KDM6A: variants seen among roughly 807,000 people sequenced by gnomAD.
KDM6A encodes the protein lysine-specific demethylase 6A.
In KDM6A, 11 loss-of-function variants were observed where a neutral mutation model predicts 117.6. The ratio of observed to expected loss-of-function variants is 0.09; its 90% confidence interval spans 0.06 to 0.15. KDM6A has a LOEUF of 0.15. Ranked by LOEUF, KDM6A falls within the 10% of genes least tolerant of loss-of-function variation. The probability of loss-of-function intolerance (pLI) is 1.00; values close to 1 mark genes in which losing one functional copy is unlikely to be tolerated. For missense variants in KDM6A, 799 were observed against 1,077.3 expected, an observed-to-expected ratio of 0.74 and a Z score of 3.62; for synonymous variants, 384 against 396.1, an observed-to-expected ratio of 0.97 and a Z score of 0.36.
chrX:45,036,725 T>A (rs1162879202), intron 7 of KDM6A, among the ~76,000 whole-genome samples: 1 of 112,883 alleles, frequency 8.9e-6, no homozygotes, highest in East Asian at 2.8e-4. Flanking sequence ...CGATTATCTT[T>A]TAATTCATTA....
chrX:45,001,231 C>T (rs188979092), intron 4 of KDM6A, among the ~76,000 whole-genome samples: 1 of 111,664 alleles, frequency 9.0e-6, no homozygotes, highest in East Asian at 2.8e-4. Context: ...AAGAAGGGAA[C>T]TGGCTTAGAA....
chrX:45,032,814 CAT>C (rs1236224566), intron 6 of KDM6A, among the ~76,000 whole-genome samples: 2 of 111,929 alleles, frequency 1.8e-5, no homozygotes, highest in African/African-American at 6.5e-5. Flanking sequence ...TTTGGTATTT[CAT>C]AGTGTTGTGG....
chrX:45,013,796 A>G (rs1291415931), intron 5 of KDM6A, among the ~76,000 whole-genome samples: 1 of 112,030 alleles, frequency 8.9e-6, no homozygotes, highest in Non-Finnish European at 1.9e-5. Context: ...TTTGCCTCAC[A>G]TTTTTGCTTT....
At chrX:44,985,704 G>A (rs1243449481) in intron 4 of KDM6A, among the ~76,000 whole-genome samples, 3 of 111,555 alleles carry the variant, frequency 2.7e-5, no homozygotes, top group African/African-American at 6.5e-5. Context: ...TATATGCTGG[G>A]TTACGTTTAC....
chrX:45,025,977 G>T (rs1345281127), intron 6 of KDM6A, among the ~76,000 whole-genome samples: 2 of 111,940 alleles, frequency 1.8e-5, no homozygotes, highest in Admixed American at 9.5e-5. Flanking sequence ...AAAGGAAATG[G>T]ATTGAACTCA....
At chrX:44,968,838 C>T (rs899851335) in intron 3 of KDM6A, among the ~76,000 whole-genome samples, 4 of 110,013 alleles carry the variant, frequency 3.6e-5, no homozygotes, top group Admixed American at 9.7e-5. Context: ...GGCGTGGTGG[C>T]GCATGCCTGT....
At chrX:45,043,431 C>T (rs2043378884) in intron 8 of KDM6A, among the ~76,000 whole-genome samples, 2 of 111,465 alleles carry the variant, frequency 1.8e-5, no homozygotes, top group South Asian at 7.4e-4. Context: ...GTATTTTTAT[C>T]TTTTATGATC....
At chrX:44,944,265 T>C (rs866227115) in intron 2 of KDM6A, among the ~76,000 whole-genome samples, 60 of 111,249 alleles carry the variant, frequency 5.4e-4, no homozygotes, top group African/African-American at 1.9e-3. Flanking sequence ...GGCTGGAGAA[T>C]TGGTTGAACC....
chrX:44,906,618 TTG>T (rs1035357496), intron 2 of KDM6A, among the ~76,000 whole-genome samples: 1 of 110,953 alleles, frequency 9.0e-6, no homozygotes, highest in Non-Finnish European at 1.9e-5. Flanking sequence ...TTTTTAAATA[TTG>T]TGTGTGTATA....
intron 2 of KDM6A, among the ~76,000 whole-genome samples, chrX:44,900,499 A>C (rs781179342): frequency 1.8e-5 from 2 of 112,094 alleles, no homozygotes; most frequent in South Asian, 7.3e-4. Flanking sequence ...GTTCCTGTAC[A>C]ATTTATAGAC....
At chrX:44,960,704 G>A (rs1043969616) in intron 2 of KDM6A, among the ~76,000 whole-genome samples, 1 of 111,667 alleles carries the variant, frequency 9.0e-6, no homozygotes, top group Non-Finnish European at 1.9e-5. Flanking sequence ...GCATGTGCAT[G>A]AATTGGAGTT....
chrX:44,957,364 G>A (rs1012065226), intron 2 of KDM6A, among the ~76,000 whole-genome samples: 25 of 111,843 alleles, frequency 2.2e-4, no homozygotes, highest in African/African-American at 8.1e-4. Context: ...TCCTGTTTTA[G>A]CAAGGCACTG....
chrX:45,027,579 C>T (rs1322352243), intron 6 of KDM6A, among the ~76,000 whole-genome samples: 1 of 110,579 alleles, frequency 9.0e-6, no homozygotes, highest in East Asian at 2.8e-4. Flanking sequence ...CCCCTTGCCA[C>T]CCCCAACAGC....
intron 5 of KDM6A, among the ~76,000 whole-genome samples, chrX:45,017,484 C>G (rs1444413615): frequency 2.7e-5 from 3 of 110,433 alleles, no homozygotes; most frequent in Non-Finnish European, 3.8e-5. Flanking sequence ...ATCCACCTTC[C>G]CTTGTACTTC....
At chrX:45,110,314 C>T (rs2148309770) in intron 29 of KDM6A, 65 bp downstream of exon 29, 4 of 966,504 alleles carry the variant, frequency 4.1e-6, no homozygotes, top group Non-Finnish European at 5.9e-6. Flanking sequence ...TTTGCTCTGC[C>T]ACCTGATAAG....
chrX:44,880,519 G>T (rs1264623339), intron 2 of KDM6A, among the ~76,000 whole-genome samples: 1 of 108,788 alleles, frequency 9.2e-6, no homozygotes, highest in Non-Finnish European at 1.9e-5. Flanking sequence ...GGCCAGGCGT[G>T]GTGGCTCGTG....
At chrX:45,061,783 C>T (rs1262392561) in intron 15 of KDM6A, among the ~76,000 whole-genome samples, 1 of 110,599 alleles carries the variant, frequency 9.0e-6, no homozygotes, top group Non-Finnish European at 1.9e-5. Flanking sequence ...TGAGCCACTG[C>T]ACCCAGCCCT....
intron 4 of KDM6A, among the ~76,000 whole-genome samples, chrX:44,986,730 T>A (rs965254840): frequency 8.9e-6 from 1 of 112,033 alleles, no homozygotes; most frequent in Non-Finnish European, 1.9e-5. Flanking sequence ...TTTGATTGAG[T>A]TTCTTAATCC....
At chrX:44,963,993 A>G (rs2038872688) in intron 3 of KDM6A, among the ~76,000 whole-genome samples, 1 of 109,895 alleles carries the variant, frequency 9.1e-6, no homozygotes, top group African/African-American at 3.3e-5. Flanking sequence ...TGCTGGGGTT[A>G]CACAGGCATG....
Sources: allele counts gnomAD v4.1 joint callset (sites outside exome capture counted in the v4.1 genomes callset), GRCh38; gene constraint gnomAD v4.1.1; transcripts MANE v1.5; gene names NCBI Gene and HGNC (gene_info 2026-07-23, HGNC 2026-07-21).